RPTOR: variants seen among roughly 807,000 people sequenced by gnomAD.
RPTOR encodes the protein regulatory associated protein of MTOR complex 1, also known as regulatory-associated protein of mTOR.
A neutral mutation model predicts 169.9 loss-of-function variants in RPTOR; 21 were observed. The observed-to-expected ratio is 0.12, with a 90% confidence interval of 0.09 to 0.18. The LOEUF (loss-of-function observed/expected upper bound fraction) is 0.18, where lower values mean the gene tolerates loss of function less well. Ranked by LOEUF, RPTOR falls within the 10% of genes least tolerant of loss-of-function variation. The pLI is 1.00. For synonymous variants in RPTOR, 732 were observed against 753.2 expected (o/e 0.97, Z 0.46); for missense variants, 1,133 against 1,855.9 (o/e 0.61, Z 7.16).
rs372641715 is a variant in RPTOR at position 80,891,759 on chromosome 17, G to A, written c.2023G>A (p.Glu675Lys). ...VALSHLVVQY[E>K]SNFCTVALQF... ...TCTGAGTCATCTTGTGGTTCAGTAT[G>A]AAAGCAATTTCTGCACCGTGGCCCT... is the stretch of plus-strand genomic sequence containing the variant. The change falls in exon 18 of 34, where the codon GAA (glutamate) becomes AAA (lysine). Residue 675 changes from glutamate to lysine, a missense_variant. Glu to Lys is a moderately conservative substitution (Grantham distance 56, BLOSUM62 1). This residue lies in a region of RPTOR where 150 missense variants were observed against 206.4 expected (regional missense o/e 0.73). Transcript: ENST00000306801. 2 of 1,614,040 alleles carry A rather than the reference G, an allele frequency of 1.2e-6. No homozygotes were observed. The highest frequency in any genetic ancestry group is 1.7e-6 in the Non-Finnish European group (2 of 1,180,024).
At position 80,803,312 on chromosome 17, in the gene RPTOR, C is replaced by G. The variant is rs539335844; in HGVS notation, c.890+11803C>G. On this transcript the variant is annotated intron_variant, in intron 7 of 33. Coordinates refer to ENST00000306801, the MANE Select transcript of RPTOR (RefSeq NM_020761.3). The surrounding 1 kb of genome is among the most constrained non-coding windows in gnomAD (Gnocchi z 6.2). ...AACCGAGGCAAGGGAGGTGGAGAGA[C>G]TTGCTCAGGGTCACAGAGAGTCACA... 6.6e-6 allele frequency: 1 copy of G among 152,416 alleles called. No homozygotes were observed. Among genetic ancestry groups the G allele is most frequent in the South Asian group, 2.1e-4 (1 of 4,824 alleles). The allele number at this position is 152,416 out of a possible 1,614,324, so 9.4% of individuals were successfully genotyped here. A position where few individuals can be genotyped will look rare whatever the true frequency, so the allele number is the denominator to read the frequency against.
chr17:80,822,333 G>T (rs140169792), intron 8 of RPTOR, 32 bp downstream of exon 8: 1 of 1,605,798 alleles, frequency 6.2e-7, no homozygotes, highest in South Asian at 1.1e-5. Flanking sequence ...GGGGAGGGAG[G>T]CTATGGCCTT....
chr17:80,959,970 T>C lies in RPTOR; in HGVS notation c.3478-108T>C, dbSNP rs1190340169. The stretch of plus-strand genomic sequence containing the variant: ...GAAAGGCCCCTGCAGCCAGGGAGGG[T>C]GATCCCCACAGCCAGGCAGGCAGCA... On this transcript the variant is annotated intron_variant, in intron 29 of 33. Coordinates refer to ENST00000306801, the MANE Select transcript of RPTOR (RefSeq NM_020761.3). This position sits in a 1 kb window ranked among gnomAD's most constrained non-coding sequence, Gnocchi z 6.7. The C allele has an allele frequency of 1.4e-6, 2 of 1,387,602 alleles. No individual in the cohort carries two copies. The highest frequency in any genetic ancestry group is 1.8e-5 in the Admixed American group (1 of 55,620). The allele number at this position is 1,387,602 out of a possible 1,614,324, so 86.0% of individuals were successfully genotyped here.
At chr17:80,800,293 A>C (rs1232251609) in intron 7 of RPTOR, among the ~76,000 whole-genome samples, 1 of 152,162 alleles carries the variant, frequency 6.6e-6, no homozygotes, top group Non-Finnish European at 1.5e-5. Flanking sequence ...CGTTCCTCAG[A>C]ACTGCTGCAC....
chr17:80,896,387 G>A (rs111731230), intron 20 of RPTOR, among the ~76,000 whole-genome samples: 8,840 of 128,552 alleles, frequency 0.069, 1,799 homozygotes, highest in African/African-American at 0.1. Context: ...ACGCGGCCTC[G>A]CTGACACCCC....
intron 1 of RPTOR, among the ~76,000 whole-genome samples, chr17:80,554,768 CA>C (rs34244731): frequency 1.5e-3 from 166 of 113,144 alleles, no homozygotes; most frequent in Middle Eastern, 5.2e-3. Context: ...CAAAACAAAA[CA>C]AACAACAACA....
chr17:80,853,614 G>A (rs1049791678), intron 11 of RPTOR, among the ~76,000 whole-genome samples: 6 of 152,204 alleles, frequency 3.9e-5, no homozygotes, highest in Admixed American at 1.3e-4. Flanking sequence ...GTAGGTTGGA[G>A]GGAGTCGATG....
chr17:80,868,534 A>G, intron 13 of RPTOR, among the ~76,000 whole-genome samples: 1 of 152,256 alleles, frequency 6.6e-6, no homozygotes, highest in East Asian at 1.9e-4. Flanking sequence ...AGGGCAGTGC[A>G]AAGTGTGCAC....
intron 17 of RPTOR, among the ~76,000 whole-genome samples, chr17:80,886,794 G>A (rs1310183094): frequency 2.0e-5 from 3 of 152,188 alleles, no homozygotes; most frequent in Non-Finnish European, 2.9e-5. Flanking sequence ...TTCGGAGGAG[G>A]TGCTGCCAAC....
intron 1 of RPTOR, 41 bp from the exon 2 acceptor site, chr17:80,625,650 A>G (rs888344854): frequency 7.1e-7 from 1 of 1,409,740 alleles, no homozygotes; most frequent in Non-Finnish European, 1.0e-6. Context: ...AACGAGTTCC[A>G]TATTGAAATA....
chr17:80,712,118 TGAGTTATA>T (rs2066199282), intron 4 of RPTOR, among the ~76,000 whole-genome samples: 1 of 152,214 alleles, frequency 6.6e-6, no homozygotes, highest in African/African-American at 2.4e-5. Context: ...GCAAGTTTAT[TGAGTTATA>T]TACTTCCTTC....
At chr17:80,827,431 C>T (rs1472783769) in intron 9 of RPTOR, among the ~76,000 whole-genome samples, 1 of 152,220 alleles carries the variant, frequency 6.6e-6, no homozygotes, top group African/African-American at 2.4e-5. Flanking sequence ...TGAGACCACC[C>T]GCCGTCCCCA....
rs2084255218 is a variant in RPTOR, at chr17:80,544,954, G to A, written c.-676G>A. The A allele has an allele frequency of 4.3e-6, 1 of 231,360 alleles. No individual in the cohort carries two copies. The highest frequency in any genetic ancestry group is 2.2e-5 in the African/African-American group (1 of 45,176). The allele number at this position is 231,360 out of a possible 1,614,324, so 14.3% of individuals were successfully genotyped here. ...AGCCCACATTGTCCCTTTCCTCCGT[G>A]GTTCCGTGTCGCCCGTTTCTCAGGA... On this transcript the variant is annotated 5_prime_UTR_variant, in exon 1 of 34. Coordinates refer to ENST00000306801, the MANE Select transcript of RPTOR (RefSeq NM_020761.3).
intron 17 of RPTOR, among the ~76,000 whole-genome samples, chr17:80,887,264 G>A (rs150764635): frequency 0.012 from 1,739 of 147,382 alleles, 36 homozygotes; most frequent in African/African-American, 0.042. Flanking sequence ...TGGCTCTGAG[G>A]GGGTGTGCTG....
At position 80,846,514 on chromosome 17, in the gene RPTOR, G is replaced by A. The variant is rs2067732467; in HGVS notation, c.1254G>A (p.Val418=). ...CCGAGCAGCTGACCGCATTCCAGGT[G>A]TGGCTCACCATGGGCGTGGAGAACC... ...FFAEQLTAFQ[V]WLTMGVENRN... The change falls in exon 11 of 34, where the codon GTG becomes GTA. Residue 418 remains valine (V), a synonymous_variant. Transcript: ENST00000306801. 6 of 1,614,222 alleles carry A rather than the reference G, an allele frequency of 3.7e-6. No individual in the cohort carries two copies. The East Asian group carries it at 1.1e-4, about 30-fold the overall frequency.
intron 2 of RPTOR, among the ~76,000 whole-genome samples, chr17:80,628,986 T>G (rs2065417724): frequency 6.6e-6 from 1 of 152,060 alleles, no homozygotes; most frequent in Admixed American, 6.5e-5. Flanking sequence ...TGTCTATGTA[T>G]TCTGCTGTTG....
At chr17:80,928,072 C>T (rs2068833847) in intron 24 of RPTOR, among the ~76,000 whole-genome samples, 1 of 152,268 alleles carries the variant, frequency 6.6e-6, no homozygotes, top group South Asian at 2.1e-4. Flanking sequence ...AACAAATGCT[C>T]ACTTGGTTGT....
At chr17:80,555,369 C>T (rs955729423) in intron 1 of RPTOR, among the ~76,000 whole-genome samples, 3 of 152,126 alleles carry the variant, frequency 2.0e-5, no homozygotes, top group Non-Finnish European at 2.9e-5. Flanking sequence ...CCATCAGGTC[C>T]TTCTATTGCT....
At position 80,844,021 on chromosome 17, in the gene RPTOR, G is replaced by A. The variant is rs574790428; in HGVS notation, c.1213-2452G>A. On this transcript the variant is annotated intron_variant, in intron 10 of 33. Coordinates refer to ENST00000306801, the MANE Select transcript of RPTOR (RefSeq NM_020761.3). This position sits in a 1 kb window ranked among gnomAD's most constrained non-coding sequence, Gnocchi z 4.7. ...GCAGGACCTGTGAGCTCTCTGTCTCGCTGAATGGACTTCGCTCCCCTGCAC... is the reference window on the plus strand; with the variant it reads ...GCAGGACCTGTGAGCTCTCTGTCTCACTGAATGGACTTCGCTCCCCTGCAC... Among the ~76,000 whole-genome samples the A allele has an allele frequency of 8.0e-4, 122 of 152,280 alleles. No individual in the cohort carries two copies. Among genetic ancestry groups the A allele is most frequent in the African/African-American group, 2.8e-3 (116 of 41,534 alleles).
Sources: gnomAD v4.1 joint callset for allele counts (sites outside exome capture counted in the v4.1 genomes callset) on GRCh38, gnomAD v4.1.1 for gene constraint, gnomAD v4.1.1 regional missense constraint, Gnocchi (gnomAD v3.1) non-coding constraint, MANE v1.5 for transcripts, NCBI Gene and HGNC (gene_info 2026-07-23, HGNC 2026-07-21) for gene names.